Variants in SS18 observed in about 807,000 individuals in gnomAD.
SS18 encodes SS18 subunit of BAF chromatin remodeling complex.
Under a neutral mutation model 72.5 loss-of-function variants are expected in SS18, and 28 were observed. The ratio of observed to expected loss-of-function variants is 0.39; its 90% CI spans 0.29 to 0.53. The LOEUF (loss-of-function observed/expected upper bound fraction) is 0.53. Among genes scored for constraint, SS18 ranks in the 20% least tolerant of loss-of-function variants. SS18 has a pLI of 0.76. For missense variants in SS18, 518 were observed against 535.3 expected, an observed-to-expected ratio of 0.97 and a Z score of 0.32; for synonymous variants, 172 against 164.2, an observed-to-expected ratio of 1.05 and a Z score of -0.37.
intron 2 of SS18, among the ~76,000 whole-genome samples, chr18:26,085,219 T>G (rs2054595937): frequency 1.3e-5 from 2 of 152,170 alleles, no homozygotes; most frequent in African/African-American, 4.8e-5. Flanking sequence ...CGGCGTTAAG[T>G]AGAAACAGTT....
chr18:26,027,304 T>A (rs2053461858), intron 10 of SS18, among the ~76,000 whole-genome samples: 1 of 151,852 alleles, frequency 6.6e-6, no homozygotes, highest in African/African-American at 2.4e-5. Context: ...CAGACACATG[T>A]TTATGGACAA....
chr18:26,060,771 C>CAAAA (rs60999827), intron 3 of SS18, among the ~76,000 whole-genome samples: 2,208 of 39,492 alleles, frequency 0.056, 669 homozygotes, highest in Non-Finnish European at 0.099. Context: ...CTAAAAATAC[C>CAAAA]AAAAAAAAAA....
At chr18:26,057,896 TA>T (rs2054052035) in intron 3 of SS18, among the ~76,000 whole-genome samples, 154 bp from the exon 4 acceptor site, 1 of 152,208 alleles carries the variant, frequency 6.6e-6, no homozygotes, top group African/African-American at 2.4e-5. Context: ...TGAACATAGT[TA>T]ATAACCCCCA....
rs1416992524 is a variant in SS18, at chr18:26,087,590, T to G, written c.70-13A>C. The G allele has an allele frequency of 2.7e-6, 4 of 1,501,496 alleles. No individual in the cohort carries two copies. The highest frequency in any genetic ancestry group is 3.7e-6 in the Non-Finnish European group (4 of 1,092,024). The allele number at this position is 1,501,496 out of a possible 1,614,324, so 93.0% of individuals were successfully genotyped here. Reference sequence around the variant, plus strand: ...TGTCATCCAACATCTGAAACAGAATTAGAAAAGGTTTAGCATAAAACTAGT... The same window carrying G: ...TGTCATCCAACATCTGAAACAGAATGAGAAAAGGTTTAGCATAAAACTAGT... On this transcript the variant is annotated splice_polypyrimidine_tract_variant and intron_variant, in intron 1 of 10. Transcript: ENST00000415083.
At chr18:26,019,790 A>C (rs1022792925) in intron 10 of SS18, among the ~76,000 whole-genome samples, 15 of 3,034 alleles carry the variant, frequency 4.9e-3, no homozygotes, top group African/African-American at 0.011. Flanking sequence ...ACTCTGTCTC[A>C]AAAAAAAAAA....
At chr18:26,040,588 T>C (rs2053706029) in intron 5 of SS18, among the ~76,000 whole-genome samples, 1 of 152,054 alleles carries the variant, frequency 6.6e-6, no homozygotes, top group South Asian at 2.1e-4. Context: ...AACAAACAAT[T>C]AAAAACAAAA....
Position 26,018,269 on chromosome 18 carries a change from G to T in SS18, c.*85C>A. The T allele has an allele frequency of 8.6e-7, 1 of 1,164,802 alleles. No homozygotes were observed. The highest frequency in any genetic ancestry group is 1.4e-5 in the South Asian group (1 of 70,462). The allele number at this position is 1,164,802 out of a possible 1,614,324, so 72.2% of individuals were successfully genotyped here. A position where few individuals can be genotyped will look rare whatever the true frequency, so the allele number is the denominator to read the frequency against. On this transcript the variant is annotated 3_prime_UTR_variant, in exon 11 of 11. Coordinates refer to ENST00000415083, the MANE Select transcript of SS18 (RefSeq NM_001007559.3). The stretch of plus-strand genomic sequence containing the variant: ...TTCCAAAAACTAGATGGAATGGAAG[G>T]ATCTCTTCACAGGGAGGTGTCCACA...
intron 5 of SS18, among the ~76,000 whole-genome samples, chr18:26,045,211 A>G (rs2053799627): frequency 6.6e-6 from 1 of 152,182 alleles, no homozygotes; most frequent in Non-Finnish European, 1.5e-5. Flanking sequence ...ATTTTTTGAA[A>G]ACCATATATT....
At chr18:26,076,791 CA>C (rs2054421990) in intron 3 of SS18, among the ~76,000 whole-genome samples, 1 of 151,856 alleles carries the variant, frequency 6.6e-6, no homozygotes, top group South Asian at 2.1e-4. Flanking sequence ...AAAATTTCAA[CA>C]TAACAAAGAA....
intron 3 of SS18, among the ~76,000 whole-genome samples, chr18:26,072,525 CAAT>C (rs778592590): frequency 5.9e-5 from 9 of 152,006 alleles, no homozygotes; most frequent in Non-Finnish European, 1.2e-4. Flanking sequence ...GGATAATTCA[CAAT>C]GATGTTGCAG....
At chr18:26,060,992 C>T (rs771682612) in intron 3 of SS18, among the ~76,000 whole-genome samples, 6 of 148,000 alleles carry the variant, frequency 4.1e-5, no homozygotes, top group Admixed American at 6.7e-5. Flanking sequence ...TTACTAAAGA[C>T]TTAAAATAAC....
chr18:26,055,340 G>A (rs915712587), intron 4 of SS18, among the ~76,000 whole-genome samples: 18 of 151,778 alleles, frequency 1.2e-4, no homozygotes, highest in East Asian at 5.9e-4. Flanking sequence ...GGTGGTGTGC[G>A]CCTGTAATCC....
chr18:26,049,066 C>T (rs996966465), intron 5 of SS18, among the ~76,000 whole-genome samples: 1 of 152,150 alleles, frequency 6.6e-6, no homozygotes, highest in Non-Finnish European at 1.5e-5. Context: ...GAATTACACA[C>T]ATGGAACTTA....
intron 10 of SS18, among the ~76,000 whole-genome samples, chr18:26,021,642 A>G (rs1238712311): frequency 6.6e-6 from 1 of 152,182 alleles, no homozygotes; most frequent in Non-Finnish European, 1.5e-5. Flanking sequence ...AAACTAAGAT[A>G]AGGGTGTAGG....
intron 2 of SS18, among the ~76,000 whole-genome samples, chr18:26,087,102 T>C (rs1261033449): frequency 6.6e-6 from 1 of 152,180 alleles, no homozygotes; most frequent in Non-Finnish European, 1.5e-5. Flanking sequence ...AATGAGGTAC[T>C]GAAACATGGT....
At chr18:26,021,326 T>C (rs2053346469) in intron 10 of SS18, among the ~76,000 whole-genome samples, 1 of 152,214 alleles carries the variant, frequency 6.6e-6, no homozygotes, top group Non-Finnish European at 1.5e-5. Context: ...TTTAAAAAGT[T>C]ATTCAAGAAG....
intron 10 of SS18, among the ~76,000 whole-genome samples, chr18:26,025,717 A>G (rs1052195492): frequency 7.9e-5 from 12 of 152,178 alleles, no homozygotes; most frequent in African/African-American, 2.9e-4. Context: ...AAAAAAAACT[A>G]CAAACCCAGA....
chr18:26,087,652 G>A, intron 1 of SS18, 75 bp from the exon 2 acceptor site: 1 of 854,238 alleles, frequency 1.2e-6, no homozygotes. Flanking sequence ...AATTCAGAAA[G>A]GGAGGGCATT....
At chr18:26,073,169 A>C (rs1228708850) in intron 3 of SS18, among the ~76,000 whole-genome samples, 4 of 152,240 alleles carry the variant, frequency 2.6e-5, no homozygotes. Context: ...ATAAAGCCAG[A>C]AATCAAGAAA....
Sources: allele counts gnomAD v4.1 joint callset (sites outside exome capture counted in the v4.1 genomes callset), GRCh38; gene constraint gnomAD v4.1.1; transcripts MANE v1.5; gene names NCBI Gene and HGNC (gene_info 2026-07-23, HGNC 2026-07-21).